Variants in MACROD1 observed in about 807,000 individuals in gnomAD.
The protein encoded by MACROD1 is mono-ADP ribosylhydrolase 1.
MACROD1 carries 31 observed loss-of-function variants against 41.4 expected under a neutral mutation model. The observed-to-expected ratio is 0.75, with a 90% CI of 0.56 to 1.01. MACROD1 has a LOEUF of 1.01. Among genes scored for constraint, MACROD1 ranks in the 50% least tolerant of loss-of-function variants. The pLI is 0.00. For synonymous variants in MACROD1, 252 were observed against 203.4 expected (o/e 1.24, Z -2.03); for missense variants, 473 against 460.0 (o/e 1.03, Z -0.26).
rs1368334411 is a variant in MACROD1, at chr11:64,128,303, G to A, written c.517+22936C>T. Among the ~76,000 whole-genome samples the A allele has an allele frequency of 2.0e-5, 3 of 152,178 alleles. No individual in the cohort carries two copies. The East Asian group carries it at 5.8e-4, about 29-fold the overall frequency. ...CCCTCACCTGAGACCCATTCTCTGG[G>A]GCTGTCGAGGGCTCTTTCTGGAACA... On this transcript the variant is annotated intron_variant, in intron 3 of 10. Coordinates refer to ENST00000255681, the MANE Select transcript of MACROD1 (RefSeq NM_014067.4).
At chr11:64,040,591 C>CGA (rs1439871386) in intron 3 of MACROD1, among the ~76,000 whole-genome samples, 1 of 152,044 alleles carries the variant, frequency 6.6e-6, no homozygotes, top group Non-Finnish European at 1.5e-5. Flanking sequence ...CCCCTTTTCC[C>CGA]GAGAGCTGTG....
At chr11:64,034,275 GTC>G (rs904416367) in intron 3 of MACROD1, among the ~76,000 whole-genome samples, 5 of 152,246 alleles carry the variant, frequency 3.3e-5, no homozygotes, top group Non-Finnish European at 7.3e-5. Context: ...AATTACAGCC[GTC>G]TCTGCATGGA....
chr11:64,001,203 C>A, intron 4 of MACROD1: 1 of 572,970 alleles, frequency 1.7e-6, no homozygotes, highest in South Asian at 2.1e-5. Context: ...CGGCCTCAGG[C>A]AGGCCTGGGT....
rs756410864 is a variant in MACROD1, at chr11:63,999,031, G to A, written c.897C>T (p.Asp299=). The change falls in exon 9 of 11, where the codon GAC becomes GAT. Residue 299 remains aspartate (D), a synonymous_variant. Transcript: ENST00000255681. The part of the protein sequence containing the change: ...EWLEQHKDKV[D]RLIICVFLEK... The stretch of plus-strand genomic sequence containing the variant: ...CGAGGAACACGCAGATGATCAGCCG[G>A]TCCACCTGCGCCAGGGGCTGCTCAG... The A allele has an allele frequency of 6.2e-5, 100 of 1,603,022 alleles. 1 individual carries two copies. In the South Asian group the frequency reaches 1.0e-3, roughly 16 times the overall value.
At chr11:64,117,759 G>T in intron 3 of MACROD1, 1 of 1,614,074 alleles carries the variant, frequency 6.2e-7, no homozygotes, top group South Asian at 1.1e-5. Context: ...GACAGCCCTG[G>T]AGCCCAAGTC....
chr11:64,057,680 G>A (rs1246762208), intron 3 of MACROD1, among the ~76,000 whole-genome samples: 1 of 152,174 alleles, frequency 6.6e-6, no homozygotes, highest in African/African-American at 2.4e-5. Context: ...CAGGGTGTCT[G>A]CTCCCCCACT....
chr11:64,030,068 C>T (rs1943273983), intron 3 of MACROD1, among the ~76,000 whole-genome samples: 1 of 152,110 alleles, frequency 6.6e-6, no homozygotes, highest in African/African-American at 2.4e-5. Flanking sequence ...CCGGGTGACA[C>T]AGTCTTGCCT....
chr11:64,031,470 GCCTT>G (rs535019672), intron 3 of MACROD1, among the ~76,000 whole-genome samples: 16 of 133,136 alleles, frequency 1.2e-4, no homozygotes, highest in Admixed American at 7.8e-4. Context: ...CTGCCTGCCT[GCCTT>G]CCTTTTTTTT....
chr11:64,128,586 G>A (rs1246100649), intron 3 of MACROD1, among the ~76,000 whole-genome samples: 2 of 151,924 alleles, frequency 1.3e-5, no homozygotes, highest in East Asian at 1.9e-4. Flanking sequence ...CCACTTCTGC[G>A]CCCCACTCAG....
intron 3 of MACROD1, among the ~76,000 whole-genome samples, chr11:64,107,914 G>A (rs1467839408): frequency 1.3e-5 from 2 of 152,198 alleles, no homozygotes; most frequent in Non-Finnish European, 2.9e-5. Flanking sequence ...TGGGGCTCAG[G>A]GAAGAATGGC....
chr11:64,158,460 T>G (rs1410316697), intron 1 of MACROD1, among the ~76,000 whole-genome samples: 4 of 152,108 alleles, frequency 2.6e-5, no homozygotes, highest in African/African-American at 9.7e-5. Flanking sequence ...CCCAGGCTGG[T>G]CTCGAACTCC....
At chr11:64,001,174 G>T (rs1954805779) in intron 4 of MACROD1, 2 of 520,566 alleles carry the variant, frequency 3.8e-6, no homozygotes, top group African/African-American at 3.9e-5. Context: ...CCTCGCCAGG[G>T]CACCGCGCAG....
At chr11:64,136,882 GGGGAT>G (rs1303474115) in intron 3 of MACROD1, among the ~76,000 whole-genome samples, 1 of 152,246 alleles carries the variant, frequency 6.6e-6, no homozygotes, top group Non-Finnish European at 1.5e-5. Flanking sequence ...GCAGGGATGG[GGGGAT>G]GAGGAAGTGG....
intron 3 of MACROD1, among the ~76,000 whole-genome samples, chr11:64,147,992 GC>G: frequency 6.6e-6 from 1 of 152,200 alleles, no homozygotes; most frequent in East Asian, 1.9e-4. Context: ...TCTCGTCTCG[GC>G]CTCCCACGGT....
At chr11:64,138,168 C>T (rs1945357344) in intron 3 of MACROD1, among the ~76,000 whole-genome samples, 1 of 152,176 alleles carries the variant, frequency 6.6e-6, no homozygotes, top group East Asian at 1.9e-4. Flanking sequence ...GGACTTGAAC[C>T]CAGCCCTGTC....
At chr11:64,078,590 T>TG (rs1308204444) in intron 3 of MACROD1, among the ~76,000 whole-genome samples, 1 of 152,000 alleles carries the variant, frequency 6.6e-6, no homozygotes, top group Admixed American at 6.5e-5. Context: ...CAGGGTCCCA[T>TG]GGGGGGTGGC....
chr11:64,047,756 G>A (rs1943611889), intron 3 of MACROD1, among the ~76,000 whole-genome samples: 1 of 152,044 alleles, frequency 6.6e-6, no homozygotes, highest in Non-Finnish European at 1.5e-5. Context: ...AATTAGCTGG[G>A]CATGGTGGCA....
chr11:64,148,752 C>T (rs1034810739), intron 3 of MACROD1: 7 of 985,738 alleles, frequency 7.1e-6, no homozygotes, highest in Non-Finnish European at 8.4e-6. Context: ...CCTGCCGTTG[C>T]CAACGACTTT....
intron 3 of MACROD1, chr11:64,116,923 A>G: frequency 1.2e-6 from 2 of 1,611,546 alleles, no homozygotes; most frequent in Non-Finnish European, 1.7e-6. Context: ...CATGCCTTCA[A>G]GGGCCTCAAC....
Sources: gnomAD v4.1 joint callset for allele counts (sites outside exome capture counted in the v4.1 genomes callset) on GRCh38, gnomAD v4.1.1 for gene constraint, MANE v1.5 for transcripts, NCBI Gene and HGNC (gene_info 2026-07-23, HGNC 2026-07-21) for gene names.